ZMYM1: variants seen among roughly 807,000 people sequenced by gnomAD.
ZMYM1 encodes zinc finger MYM-type protein 1.
In ZMYM1, 39 loss-of-function variants were observed where a neutral mutation model predicts 60.0. That is an observed-to-expected ratio of 0.65 (90% CI 0.50 to 0.85). The LOEUF is 0.85. Ranked by LOEUF, ZMYM1 falls within the 40% of genes least tolerant of loss-of-function variation. The pLI is 0.00. For synonymous variants in ZMYM1, 413 were observed against 454.0 expected (o/e 0.91, Z 1.15); for missense variants, 1,171 against 1,309.5 (o/e 0.89, Z 1.63).
At position 35,068,738 on chromosome 1, in the gene ZMYM1, A is replaced by T. The variant is rs1398222968; in HGVS notation, c.-301+8813A>T. On this transcript the variant is annotated intron_variant, in intron 1 of 10. Coordinates refer to the ZMYM1 transcript ENST00000417119. ...CCTAGATCTAAATGTAAAATATAAAACTATAAAATTTTTGGAATAAAGAGT... is the reference window on the plus strand; with the variant it reads ...CCTAGATCTAAATGTAAAATATAAATCTATAAAATTTTTGGAATAAAGAGT... 3.3e-5 allele frequency among the ~76,000 whole-genome samples: 5 copies of T among 151,958 alleles called. No homozygotes were observed. The East Asian group carries it at 9.6e-4, about 29-fold the overall frequency.
intron 1 of ZMYM1, among the ~76,000 whole-genome samples, chr1:35,092,306 C>G (rs903267183): frequency 5.9e-5 from 9 of 151,878 alleles, no homozygotes; most frequent in Non-Finnish European, 1.0e-4. Context: ...GATCTCAGTT[C>G]ACTGCAGCCT....
At chr1:35,098,192 T>C (rs1008131688) in intron 4 of ZMYM1, among the ~76,000 whole-genome samples, 7 of 152,148 alleles carry the variant, frequency 4.6e-5, no homozygotes, top group African/African-American at 1.7e-4. Flanking sequence ...CCTATGACAG[T>C]TAGTTTGGAT....
intron 1 of ZMYM1, among the ~76,000 whole-genome samples, chr1:35,062,605 T>C (rs1641895743): frequency 6.6e-6 from 1 of 152,240 alleles, no homozygotes; most frequent in African/African-American, 2.4e-5. Context: ...ACTTAACCAG[T>C]TGTGCCCTTG....
chr1:35,061,159 T>C (rs191940121), intron 1 of ZMYM1, among the ~76,000 whole-genome samples: 1 of 152,338 alleles, frequency 6.6e-6, no homozygotes, highest in Admixed American at 6.5e-5. Context: ...CATGGATTCT[T>C]AGACTACAGA....
chr1:35,080,967 G>A (rs1176679982), intron 1 of ZMYM1, among the ~76,000 whole-genome samples: 5 of 151,408 alleles, frequency 3.3e-5, no homozygotes, highest in African/African-American at 1.2e-4. Context: ...TTTTGAGACA[G>A]CATTTCACTC....
At chr1:35,106,215 C>T (rs1182643951) in intron 6 of ZMYM1, among the ~76,000 whole-genome samples, 5 of 152,126 alleles carry the variant, frequency 3.3e-5, no homozygotes, top group Admixed American at 1.3e-4. Flanking sequence ...CTTCTGAGAG[C>T]AGAGAAAGAG....
intron 4 of ZMYM1, among the ~76,000 whole-genome samples, chr1:35,099,941 A>G (rs1032172479): frequency 1.8e-4 from 27 of 152,172 alleles, no homozygotes; most frequent in African/African-American, 6.3e-4. Flanking sequence ...CCCAGGCCAG[A>G]GTGCAATGGT....
At chr1:35,117,567 C>G (rs552998608), downstream of ZMYM1, among the ~76,000 whole-genome samples, 2 of 151,940 alleles carry the variant, frequency 1.3e-5, no homozygotes, top group African/African-American at 4.8e-5. Context: ...GGTGATCCAC[C>G]CACCTTGGCC....
Position 35,081,322 on chromosome 1 carries a change from T to C in ZMYM1, c.-75+1880T>C, listed in dbSNP as rs190350721. 5.3e-5 allele frequency among the ~76,000 whole-genome samples: 8 copies of C among 152,314 alleles called. No homozygotes were observed. In the South Asian group the frequency reaches 1.0e-3, roughly 20 times the overall value. Reference sequence around the variant, plus strand: ...TTCCAGACTCTGTTTTGTTTTTGCTTGTGTCCATACCACACTATCTTAATT... The same window carrying C: ...TTCCAGACTCTGTTTTGTTTTTGCTCGTGTCCATACCACACTATCTTAATT... On this transcript the variant is annotated intron_variant, in intron 1 of 9. Coordinates refer to ENST00000359858, the MANE Select transcript of ZMYM1 (RefSeq NM_024772.5).
rs72906963 is a variant in ZMYM1, at chr1:35,108,242, G to T, written c.808-2052G>T. ...ATAAAGGATAAAAATAGAAATTTTC[G>T]AAATTATCCTTTTTGTTTTGTTGTG... is the stretch of plus-strand genomic sequence containing the variant. On this transcript the variant is annotated intron_variant, in intron 6 of 9. Transcript: ENST00000359858. Among the ~76,000 whole-genome samples the T allele has an allele frequency of 7.9e-3, 1,197 of 152,246 alleles. 11 individuals are homozygous for T. The highest frequency in any genetic ancestry group is 0.027 in the African/African-American group (1,111 of 41,546).
In ZMYM1 at chr1:35,114,672, G is replaced by A. The variant is rs1216160635; in HGVS notation, c.2842G>A (p.Gly948Ser). ...RRKIQKSVDL[G>S]NSDNMFFPTS... ...AAAAATTCAGAAATCAGTAGATCTT[G>A]GCAATTCAGATAATATGTTTTTTCC... The change falls in exon 10 of 10, where the codon GGC (glycine) becomes AGC (serine). Residue 948 changes from glycine (G) to serine (S), a missense_variant. Transcript: ENST00000359858. The A allele has an allele frequency of 6.3e-7, 1 of 1,590,890 alleles. No individual in the cohort carries two copies. Among genetic ancestry groups the A allele is most frequent in the Non-Finnish European group, 8.5e-7 (1 of 1,173,854 alleles).
chr1:35,064,240 C>T (rs1641926732), intron 1 of ZMYM1, among the ~76,000 whole-genome samples: 1 of 142,794 alleles, frequency 7.0e-6, no homozygotes, highest in Admixed American at 7.3e-5. Flanking sequence ...GGGAGAATTG[C>T]TTGACCCCAG....
chr1:35,116,908 A>T (rs1644255423), downstream of ZMYM1, among the ~76,000 whole-genome samples: 1 of 116,284 alleles, frequency 8.6e-6, no homozygotes, highest in Non-Finnish European at 1.6e-5. Flanking sequence ...CTGTGGCGCG[A>T]TCTCCGCTCA....
At chr1:35,098,877 C>CTG (rs33976605) in intron 4 of ZMYM1, among the ~76,000 whole-genome samples, 2 of 2,542 alleles carry the variant, frequency 7.9e-4, no homozygotes, top group Non-Finnish European at 5.6e-3. Context: ...ACTGCACTGA[C>CTG]TGTCTCAAAA....
chr1:35,075,785 G>C (rs2148481170), upstream of ZMYM1, among the ~76,000 whole-genome samples: 1 of 152,274 alleles, frequency 6.6e-6, no homozygotes, highest in East Asian at 1.9e-4. Context: ...ATCATTAATG[G>C]AAAACCAATC....
At chr1:35,088,880 C>T (rs553643128) in intron 1 of ZMYM1, among the ~76,000 whole-genome samples, 2 of 142,332 alleles carry the variant, frequency 1.4e-5, no homozygotes, top group African/African-American at 5.2e-5. Context: ...GGCATGATCT[C>T]GGCTCACTGC....
chr1:35,104,627 A>G lies in ZMYM1; in HGVS notation c.665A>G (p.His222Arg), dbSNP rs1219980382. 1 of 1,614,176 alleles carries G rather than the reference A, an allele frequency of 6.2e-7. No homozygotes were observed. Among genetic ancestry groups the G allele is most frequent in the Non-Finnish European group, 8.5e-7 (1 of 1,180,026 alleles). ...AGTAATGCCTGCCTTTCAAAGTTTCACTCTGCTAACAACTTCATCATGAAC... is the reference window on the plus strand; with the variant it reads ...AGTAATGCCTGCCTTTCAAAGTTTCGCTCTGCTAACAACTTCATCATGAAC... ...LCSNACLSKF[H>R]SANNFIMNCC... Residue 222 changes from histidine to arginine, a missense_variant, in exon 6 of 10, where the codon CAC becomes CGC. Physicochemically the swap from His to Arg is conservative, Grantham distance 29 (BLOSUM62 0). Coordinates refer to ENST00000359858, the MANE Select transcript of ZMYM1 (RefSeq NM_024772.5).
At chr1:35,090,710 G>A (rs1039585628) in intron 1 of ZMYM1, among the ~76,000 whole-genome samples, 1 of 152,146 alleles carries the variant, frequency 6.6e-6, no homozygotes, top group Non-Finnish European at 1.5e-5. Context: ...ACTTTGGGAG[G>A]CCGAGGTGGG....
chr1:35,098,195 G>T (rs1034597744), intron 4 of ZMYM1, among the ~76,000 whole-genome samples: 2 of 152,102 alleles, frequency 1.3e-5, no homozygotes, highest in East Asian at 3.8e-4. Context: ...ATGACAGTTA[G>T]TTTGGATTTT....
Sources: gnomAD v4.1 joint callset for allele counts (sites outside exome capture counted in the v4.1 genomes callset) on GRCh38, gnomAD v4.1.1 for gene constraint, MANE v1.5 for transcripts, NCBI Gene and HGNC (gene_info 2026-07-23, HGNC 2026-07-21) for gene names.